Variants in PCNX2 observed in about 807,000 individuals in gnomAD.
PCNX2 encodes pecanex-like protein 2.
PCNX2 carries 168 observed loss-of-function variants against 223.8 expected under a neutral mutation model. That is an observed-to-expected ratio of 0.75 (90% CI 0.66 to 0.85). The LOEUF is 0.85. PCNX2 is among the 40% of genes least tolerant of loss of function. PCNX2 has a pLI of 0.00. For synonymous variants in PCNX2, 1,006 were observed against 1,052.6 expected (o/e 0.96, Z 0.86); for missense variants, 2,507 against 2,675.5 (o/e 0.94, Z 1.39).
chr1:233,167,867 T>C, intron 17 of PCNX2: 1 of 901,780 alleles, frequency 1.1e-6, no homozygotes. Context: ...TATATACCTT[T>C]CCACCTTCTA....
intron 25 of PCNX2, chr1:233,032,091 C>T (rs1057134035): frequency 8.0e-6 from 3 of 372,804 alleles, no homozygotes; most frequent in Non-Finnish European, 9.0e-6. Context: ...AGACAGTTTT[C>T]TTTCTTTCTT....
intron 8 of PCNX2, 46 bp downstream of exon 8, chr1:233,250,693 C>T: frequency 6.5e-7 from 1 of 1,543,914 alleles, no homozygotes. Flanking sequence ...GCTGTGTCTC[C>T]CAGCAATGCA....
chr1:233,159,534 G>C (rs1678338596), intron 19 of PCNX2, among the ~76,000 whole-genome samples: 1 of 152,148 alleles, frequency 6.6e-6, no homozygotes, highest in Non-Finnish European at 1.5e-5. Flanking sequence ...AGCAGCATTA[G>C]ACAGCAGTTA....
At chr1:233,270,409 G>A (rs1660581443) in intron 1 of PCNX2, among the ~76,000 whole-genome samples, 1 of 152,146 alleles carries the variant, frequency 6.6e-6, no homozygotes, top group African/African-American at 2.4e-5. Flanking sequence ...TTGGATCACA[G>A]GAATATAGGC....
intron 19 of PCNX2, among the ~76,000 whole-genome samples, chr1:233,143,713 C>G (rs1057225135): frequency 6.6e-6 from 1 of 152,162 alleles, no homozygotes; most frequent in Admixed American, 6.5e-5. Context: ...TGTGCTCACT[C>G]TCTGCATGTC....
Position 233,173,364 on chromosome 1 carries a change from C to T in PCNX2, c.3273+4438G>A, listed in dbSNP as rs372783549. Among the ~76,000 whole-genome samples, 95 of 152,270 alleles carry T rather than the reference C, an allele frequency of 6.2e-4. 3 individuals carry two copies. The South Asian group carries it at 0.015, about 24-fold the overall frequency. On this transcript the variant is annotated intron_variant, in intron 17 of 33. Transcript: ENST00000258229. The stretch of plus-strand genomic sequence containing the variant: ...TATTTTTAGTAGAGATGGGGTTTCA[C>T]CATGTTGGCCAGGCTGGTTTCGAAC...
Position 233,269,759 on chromosome 1 carries a change from A to C in PCNX2, c.154-6596T>G, listed in dbSNP as rs1015799217. Among the ~76,000 whole-genome samples the C allele has an allele frequency of 2.6e-5, 4 of 152,198 alleles. No homozygotes were observed. The East Asian group carries it at 7.7e-4, about 29-fold the overall frequency. ...ACACTCACACTCAAGTTTGACATTT[A>C]TATGCCCATCCGAGAGTGCTGGGAT... On this transcript the variant is annotated intron_variant, in intron 1 of 33. Coordinates refer to ENST00000258229, the MANE Select transcript of PCNX2 (RefSeq NM_014801.4).
intron 9 of PCNX2, chr1:233,231,733 T>C: frequency 3.3e-6 from 3 of 911,950 alleles, no homozygotes; most frequent in Non-Finnish European, 3.9e-6. Context: ...AACTCAGCAC[T>C]GGGAAGGCAG....
At chr1:233,221,654 G>A (rs965600394) in intron 10 of PCNX2, among the ~76,000 whole-genome samples, 3 of 152,238 alleles carry the variant, frequency 2.0e-5, no homozygotes, top group Admixed American at 1.3e-4. Context: ...AACAGAGCAA[G>A]GATAAACAAA....
chr1:233,197,405 A>T (rs1351755625), intron 15 of PCNX2, among the ~76,000 whole-genome samples: 2 of 152,158 alleles, frequency 1.3e-5, no homozygotes, highest in Non-Finnish European at 2.9e-5. Context: ...CAGAAGTACA[A>T]GGACTCAGAA....
intron 17 of PCNX2, among the ~76,000 whole-genome samples, chr1:233,162,215 T>G (rs1678529399): frequency 6.6e-6 from 1 of 152,102 alleles, no homozygotes; most frequent in Admixed American, 6.5e-5. Flanking sequence ...AGCACAATAT[T>G]GCTGGCTGAA....
chr1:233,326,997 AC>A, the PCNX2 span, among the ~76,000 whole-genome samples: 1 of 152,064 alleles, frequency 6.6e-6, no homozygotes, highest in Non-Finnish European at 1.5e-5. Context: ...GCGATCTGTA[AC>A]CTAGTCAGTT....
chr1:233,168,479 C>A lies in PCNX2; in HGVS notation c.3274-7116G>T, dbSNP rs188348406. Among the ~76,000 whole-genome samples the A allele has an allele frequency of 1.1e-3, 165 of 152,106 alleles. 1 individual carries two copies. The highest frequency in any genetic ancestry group is 2.8e-4 in the Non-Finnish European group (19 of 67,918). On this transcript the variant is annotated intron_variant, in intron 17 of 33. Transcript: ENST00000258229. ...AGCTATATATATATAATTGTATAGG[C>A]TCACTAATATCATTTAGTGGTTAAA... is the stretch of plus-strand genomic sequence containing the variant.
intron 25 of PCNX2, among the ~76,000 whole-genome samples, chr1:233,053,287 G>A (rs146666960): frequency 2.0e-5 from 3 of 152,006 alleles, no homozygotes; most frequent in South Asian, 2.1e-4. Flanking sequence ...CTGAGATGCC[G>A]CCTGACTCAT....
At chr1:233,294,083 T>C in intron 1 of PCNX2, 1 of 716,846 alleles carries the variant, frequency 1.4e-6, no homozygotes, top group Non-Finnish European at 1.7e-6. Context: ...GTGATTGTGA[T>C]GATCACATCC....
chr1:233,226,426 C>G (rs930429377), intron 10 of PCNX2, among the ~76,000 whole-genome samples: 1 of 152,086 alleles, frequency 6.6e-6, no homozygotes, highest in Non-Finnish European at 1.5e-5. Context: ...TGCACCACCA[C>G]ACCCGGCTAA....
At chr1:233,311,295 A>G in the PCNX2 span, among the ~76,000 whole-genome samples, 1 of 152,238 alleles carries the variant, frequency 6.6e-6, no homozygotes, top group Non-Finnish European at 1.5e-5. Flanking sequence ...TTGAACAACT[A>G]AGGAACAAGG....
chr1:232,997,903 A>C (rs1210963529), intron 32 of PCNX2, among the ~76,000 whole-genome samples: 1 of 152,178 alleles, frequency 6.6e-6, no homozygotes, highest in African/African-American at 2.4e-5. Context: ...GAGACAGTAC[A>C]TGGGCCAATA....
intron 19 of PCNX2, among the ~76,000 whole-genome samples, chr1:233,156,755 T>G (rs1678156866): frequency 6.6e-6 from 1 of 151,930 alleles, no homozygotes; most frequent in Admixed American, 6.6e-5. Flanking sequence ...CCATCTCTAC[T>G]AAAAATACAA....
Sources: gnomAD v4.1 joint callset for allele counts (sites outside exome capture counted in the v4.1 genomes callset) on GRCh38, gnomAD v4.1.1 for gene constraint, MANE v1.5 for transcripts, NCBI Gene and HGNC (gene_info 2026-07-23, HGNC 2026-07-21) for gene names.